The following ITPKB variants were observed in gnomAD, a reference collection of about 807,000 sequenced individuals.
The protein encoded by ITPKB is IP3 3-kinase B.
ITPKB carries 13 observed loss-of-function variants against 69.4 expected under a neutral mutation model. The observed-to-expected ratio is 0.19, with a 90% CI of 0.12 to 0.30. The LOEUF (loss-of-function observed/expected upper bound fraction) is 0.30, where lower values mean the gene tolerates loss of function less well. Among genes scored for constraint, ITPKB ranks in the 10% least tolerant of loss-of-function variants. The pLI is 1.00. For missense variants in ITPKB, 1,240 were observed against 1,250.5 expected (o/e 0.99, Z 0.13); for synonymous variants, 584 against 513.7 (o/e 1.14, Z -1.85).
intron 2 of ITPKB, among the ~76,000 whole-genome samples, chr1:226,722,472 G>C (rs1312215589): frequency 2.0e-5 from 3 of 152,320 alleles, no homozygotes; most frequent in Admixed American, 1.3e-4. Context: ...TCTCAGGAGA[G>C]AGCAGCTGAT....
intron 2 of ITPKB, among the ~76,000 whole-genome samples, chr1:226,651,912 TCAC>T (rs1669201644): frequency 6.6e-6 from 1 of 152,170 alleles, no homozygotes; most frequent in Non-Finnish European, 1.5e-5. Flanking sequence ...CTCCATTTCT[TCAC>T]CATGAAAATA....
rs1438388418 is a variant in ITPKB at position 226,737,240 on chromosome 1, C to T, written c.219G>A (p.Gly73=). The change falls in exon 2 of 8, where the codon GGG becomes GGA. Residue 73 remains glycine, a synonymous_variant. Transcript: ENST00000429204. ...SLSPEEPRSP[G]GWRSGRRRLN... The stretch of plus-strand genomic sequence containing the variant: ...GCCTGCGCCGGCCGCTCCGCCAGCC[C>T]CCGGGGCTCCGGGGCTCCTCGGGGG... The T allele has an allele frequency of 4.5e-6, 7 of 1,558,824 alleles. No individual in the cohort carries two copies. Among genetic ancestry groups the T allele is most frequent in the Non-Finnish European group, 6.0e-6 (7 of 1,159,690 alleles).
chr1:226,719,331 C>G (rs1657172018), intron 2 of ITPKB, among the ~76,000 whole-genome samples: 1 of 152,154 alleles, frequency 6.6e-6, no homozygotes, highest in Non-Finnish European at 1.5e-5. Flanking sequence ...ACTGAGGAAT[C>G]CAACTTTGGT....
chr1:226,649,452 CAT>C (rs1450852301), intron 2 of ITPKB, among the ~76,000 whole-genome samples: 11 of 133,532 alleles, frequency 8.2e-5, no homozygotes, highest in African/African-American at 1.2e-4. Context: ...CGTGTGTGTG[CAT>C]GTGTGATATG....
intron 2 of ITPKB, among the ~76,000 whole-genome samples, chr1:226,677,323 C>T (rs1045109468): frequency 5.9e-5 from 9 of 152,194 alleles, no homozygotes; most frequent in African/African-American, 1.9e-4. Context: ...AACCCAGGCA[C>T]GATGCCACCA....
chr1:226,732,026 CTG>C (rs1473911857), intron 2 of ITPKB, among the ~76,000 whole-genome samples: 1 of 143,032 alleles, frequency 7.0e-6, no homozygotes, highest in Non-Finnish European at 1.5e-5. Context: ...CCATGTTAAA[CTG>C]TTTGGATTTT....
At chr1:226,679,631 A>G (rs2102772708) in intron 2 of ITPKB, among the ~76,000 whole-genome samples, 1 of 152,376 alleles carries the variant, frequency 6.6e-6, no homozygotes, top group African/African-American at 2.4e-5. Context: ...GGTTTTCCTC[A>G]TCAGTCATTC....
chr1:226,661,936 C>A (rs1274662640), intron 2 of ITPKB, among the ~76,000 whole-genome samples: 1 of 152,168 alleles, frequency 6.6e-6, no homozygotes, highest in Non-Finnish European at 1.5e-5. Flanking sequence ...AGGTGTAGGC[C>A]ACAGCCAGGA....
chr1:226,669,024 G>C (rs1399985656), intron 2 of ITPKB: 1 of 151,952 alleles, frequency 6.6e-6, no homozygotes, highest in Non-Finnish European at 1.5e-5. Context: ...ATGTTTAACT[G>C]TCTGAAATTA....
At chr1:226,666,725 C>T (rs1396474295) in intron 2 of ITPKB, among the ~76,000 whole-genome samples, 1 of 152,216 alleles carries the variant, frequency 6.6e-6, no homozygotes, top group Non-Finnish European at 1.5e-5. Context: ...CTTGGGTGTG[C>T]CTTCCTGCAA....
At chr1:226,677,988 C>T (rs1049222081) in intron 2 of ITPKB, among the ~76,000 whole-genome samples, 4 of 152,044 alleles carry the variant, frequency 2.6e-5, no homozygotes, top group African/African-American at 9.7e-5. Flanking sequence ...ATTTAACGTG[C>T]TATATCAAGC....
At chr1:226,721,803 TTTTC>T (rs1657251796) in intron 2 of ITPKB, among the ~76,000 whole-genome samples, 2 of 150,066 alleles carry the variant, frequency 1.3e-5, no homozygotes, top group Non-Finnish European at 1.5e-5. Context: ...CCTTTTTTTC[TTTTC>T]TTTTCTTTCT....
At chr1:226,680,278 C>T (rs985206516) in intron 2 of ITPKB, among the ~76,000 whole-genome samples, 2 of 152,194 alleles carry the variant, frequency 1.3e-5, no homozygotes, top group Non-Finnish European at 2.9e-5. Context: ...CCCAGCTGCC[C>T]AAATCAGCAT....
At chr1:226,670,595 G>C (rs1039950758) in intron 2 of ITPKB, among the ~76,000 whole-genome samples, 4 of 152,182 alleles carry the variant, frequency 2.6e-5, no homozygotes, top group Admixed American at 2.0e-4. Flanking sequence ...TAAGATTAAG[G>C]GGCAGGGAGC....
intron 2 of ITPKB, among the ~76,000 whole-genome samples, chr1:226,664,066 C>A (rs1171057850): frequency 1.3e-5 from 2 of 152,188 alleles, no homozygotes; most frequent in African/African-American, 4.8e-5. Flanking sequence ...TAAAGCTTGG[C>A]CCCCACAAAA....
intron 2 of ITPKB, among the ~76,000 whole-genome samples, chr1:226,672,045 G>C (rs537296480): frequency 6.6e-6 from 1 of 152,284 alleles, no homozygotes; most frequent in Non-Finnish European, 1.5e-5. Flanking sequence ...CAGAAAGCAG[G>C]CGAGAAAGGG....
chr1:226,659,081 A>AC (rs2102755497), intron 2 of ITPKB, among the ~76,000 whole-genome samples: 1 of 151,976 alleles, frequency 6.6e-6, no homozygotes, highest in South Asian at 2.1e-4. Flanking sequence ...TGGTCAATCG[A>AC]CCCCTAGCAG....
intron 7 of ITPKB, among the ~76,000 whole-genome samples, chr1:226,636,072 T>C (rs1486117384): frequency 1.3e-5 from 2 of 152,166 alleles, no homozygotes; most frequent in African/African-American, 4.8e-5. Context: ...CCCCAAAAAG[T>C]GTAGAACAAA....
At chr1:226,681,870 G>T (rs1656100768) in intron 2 of ITPKB, among the ~76,000 whole-genome samples, 1 of 152,216 alleles carries the variant, frequency 6.6e-6, no homozygotes, top group African/African-American at 2.4e-5. Context: ...TCACTCAGGA[G>T]TCCAAGCTGG....
Sources: allele counts gnomAD v4.1 joint callset (sites outside exome capture counted in the v4.1 genomes callset), GRCh38; gene constraint gnomAD v4.1.1; transcripts MANE v1.5; gene names NCBI Gene and HGNC (gene_info 2026-07-23, HGNC 2026-07-21).